TIAL1: variants seen among roughly 807,000 people sequenced by gnomAD.
TIAL1 encodes nucleolysin TIAR.
Under a neutral mutation model 59.7 loss-of-function variants are expected in TIAL1, and 7 were observed. The ratio of observed to expected loss-of-function variants is 0.12; its 90% CI spans 0.07 to 0.22. The LOEUF is 0.22. Among genes scored for constraint, TIAL1 ranks in the 10% least tolerant of loss-of-function variants. TIAL1 has a pLI of 1.00. For missense variants in TIAL1, 225 were observed against 462.5 expected (o/e 0.49, Z 4.71); for synonymous variants, 149 against 146.3 (o/e 1.02, Z -0.13).
chr10:119,592,968 G>A (rs1845966729), intron 1 of TIAL1, among the ~76,000 whole-genome samples: 1 of 152,162 alleles, frequency 6.6e-6, no homozygotes, highest in African/African-American at 2.4e-5. Context: ...TAAATCATTA[G>A]CTTATTTCCA....
Position 119,582,521 on chromosome 10 carries a change from A to G in TIAL1, c.166T>C (p.Tyr56His). 6.2e-7 allele frequency: 1 copy of G among 1,611,826 alleles called. No homozygotes were observed. Reference sequence around the variant, plus strand: ...GCAGCAGCTGCATCTCTGTGTTCATAAAATTCCACAAAGCAATATGGGTCA... The same window carrying G: ...GCAGCAGCTGCATCTCTGTGTTCATGAAATTCCACAAAGCAATATGGGTCA... ...SNDPYCFVEF[Y>H]EHRDAAAALA... Residue 56 changes from tyrosine (Y) to histidine (H), a missense_variant, in exon 3 of 12, where the codon TAT becomes CAT. Coordinates refer to ENST00000436547, the MANE Select transcript of TIAL1 (RefSeq NM_003252.4). The surrounding 1 kb of genome is among the most constrained non-coding windows in gnomAD (Gnocchi z 5.1).
In TIAL1 at chr10:119,575,679, A is replaced by T; in HGVS notation, c.1114T>A (p.Tyr372Asn). The T allele has an allele frequency of 1.2e-6, 2 of 1,613,508 alleles. No homozygotes were observed. The highest frequency in any genetic ancestry group is 1.7e-6 in the Non-Finnish European group (2 of 1,179,754). The change falls in exon 12 of 12, where the codon TAC becomes AAC. Residue 372 changes from tyrosine to asparagine, a missense_variant. Coordinates refer to ENST00000436547, the MANE Select transcript of TIAL1 (RefSeq NM_003252.4). ...PNQAGYGMAS[Y>N]QTQ ...AGAGTCCCGGCTCACTGTGTTTGGT[A>T]ACTTGCCATACCATATCCGGCTTGG...
chr10:119,580,881 G>A (rs1845268787), intron 5 of TIAL1: 1 of 1,192,012 alleles, frequency 8.4e-7, no homozygotes, highest in Non-Finnish European at 1.1e-6. Context: ...ACTTTTAATT[G>A]TGACTTGGAC....
At position 119,596,657 on chromosome 10, in the gene TIAL1, G is replaced by A. The variant is rs1229890864; in HGVS notation, c.-192C>T. 2 of 597,076 alleles carry A rather than the reference G, an allele frequency of 3.3e-6. No homozygotes were observed. Among genetic ancestry groups the A allele is most frequent in the African/African-American group, 1.9e-5 (1 of 53,332 alleles). The allele number at this position is 597,076 out of a possible 1,614,324, so 37.0% of individuals were successfully genotyped here. ...CTCCAACCAGGAGGAGCAGGAGGAG[G>A]AGGAGGATGAACAAAATGGCCGCCG... is the stretch of plus-strand genomic sequence containing the variant. On this transcript the variant is annotated 5_prime_UTR_variant, in exon 1 of 12. Coordinates refer to ENST00000436547, the MANE Select transcript of TIAL1 (RefSeq NM_003252.4).
rs1438914034 is a variant in TIAL1 at position 119,588,203 on chromosome 10, A to C, written c.78T>G (p.Leu26=). The part of the protein sequence containing the change: ...LSRDVTEVLI[L]QLFSQIGPCK... ...AGGGTCCAATCTGACTGAACAACTG[A>C]AGTATAAGGACTTCTGTCACATCTC... is the stretch of plus-strand genomic sequence containing the variant. The change falls in exon 2 of 12, where the codon CTT becomes CTG. Residue 26 remains leucine (L), a synonymous_variant. Transcript: ENST00000436547. The C allele has an allele frequency of 1.3e-6, 2 of 1,597,676 alleles. No homozygotes were observed. Among genetic ancestry groups the C allele is most frequent in the Admixed American group, 3.4e-5 (2 of 58,920 alleles).
intron 10 of TIAL1, 28 bp from the exon 11 acceptor site, chr10:119,576,778 G>A (rs1025877906): frequency 6.2e-7 from 1 of 1,610,308 alleles, no homozygotes; most frequent in Non-Finnish European, 8.5e-7. Context: ...ATTGTTTTAG[G>A]GAACACATAA....
intron 10 of TIAL1, 146 bp from the exon 11 acceptor site, chr10:119,576,896 G>T: frequency 1.5e-6 from 2 of 1,346,952 alleles, no homozygotes; most frequent in Non-Finnish European, 2.0e-6. Flanking sequence ...GTTTATTGGG[G>T]TGGTGACACC....
chr10:119,587,762 G>A (rs1052487578), intron 2 of TIAL1, among the ~76,000 whole-genome samples: 2 of 152,146 alleles, frequency 1.3e-5, no homozygotes, highest in African/African-American at 2.4e-5. Flanking sequence ...CACACGAGAC[G>A]AACGGTGCTG....
At chr10:119,577,050 C>A (rs1248835123) in intron 10 of TIAL1, 30 bp downstream of exon 10, 2 of 1,610,128 alleles carry the variant, frequency 1.2e-6, no homozygotes, top group Non-Finnish European at 1.7e-6. Flanking sequence ...AGATGGAAAC[C>A]TTAAAGAATG....
At chr10:119,590,746 GAGACAGAGAGAAAGAGAGAAAGAA>G (rs1448453789) in intron 1 of TIAL1, among the ~76,000 whole-genome samples, 1 of 92,610 alleles carries the variant, frequency 1.1e-5, no homozygotes, top group Non-Finnish European at 2.2e-5. Context: ...GAAAGAGAGA[GAGACAGAGAGAAAGAGAGAAAGAA>G]AGAAAGAAAG....
At chr10:119,593,390 C>T (rs183782732) in intron 1 of TIAL1, 69 of 825,560 alleles carry the variant, frequency 8.4e-5, no homozygotes, top group Admixed American at 5.0e-4. Flanking sequence ...GCAATTCTTG[C>T]CACTTTAAAT....
At chr10:119,587,851 G>C (rs1489711406) in intron 2 of TIAL1, among the ~76,000 whole-genome samples, 2 of 152,184 alleles carry the variant, frequency 1.3e-5, no homozygotes, top group African/African-American at 4.8e-5. Context: ...TATTGGAATT[G>C]TATGAAATAC....
intron 11 of TIAL1, among the ~76,000 whole-genome samples, 198 bp downstream of exon 11, chr10:119,576,413 T>TC (rs1265800079): frequency 6.6e-6 from 1 of 152,066 alleles, no homozygotes; most frequent in Non-Finnish European, 1.5e-5. Context: ...GTTACCCCAA[T>TC]CCCCCCTTTC....
Position 119,577,518 on chromosome 10 carries a change from T to C in TIAL1, c.670A>G (p.Thr224Ala). The C allele has an allele frequency of 6.2e-7, 1 of 1,613,960 alleles. No homozygotes were observed. The highest frequency in any genetic ancestry group is 8.5e-7 in the Non-Finnish European group (1 of 1,179,886). Residue 224 changes from threonine (T) to alanine (A), a missense_variant, in exon 9 of 12, where the codon ACA becomes GCA. This residue lies in a region of TIAL1 where 80 missense variants were observed against 158.8 expected (regional missense o/e 0.50). Transcript: ENST00000436547. ...SGLTDQLMRQTFSPFGQIMEI... is the reference protein window; with the variant it reads ...SGLTDQLMRQAFSPFGQIMEI... ...ATAATTTGTCCAAATGGTGAGAATGTCTGTCTCATAAGCTGATCTATAAAA... is the reference window on the plus strand; with the variant it reads ...ATAATTTGTCCAAATGGTGAGAATGCCTGTCTCATAAGCTGATCTATAAAA...
rs566880181 is a variant in TIAL1, at chr10:119,573,673, C to T, written c.*1992G>A. 9.6e-4 allele frequency: 146 copies of T among 152,526 alleles called. No individual in the cohort carries two copies. The highest frequency in any genetic ancestry group is 3.2e-3 in the African/African-American group (134 of 41,486). The allele number at this position is 152,526 out of a possible 1,614,324, so 9.4% of individuals were successfully genotyped here. ...ACATATACTCATAAAATTTTTAACT[C>T]GGGGGCACAGTTAACATAATTTATT... On this transcript the variant is annotated 3_prime_UTR_variant, in exon 12 of 12. Coordinates refer to ENST00000436547, the MANE Select transcript of TIAL1 (RefSeq NM_003252.4).
intron 2 of TIAL1, among the ~76,000 whole-genome samples, chr10:119,587,471 T>G (rs1405954730): frequency 6.6e-6 from 1 of 152,232 alleles, no homozygotes; most frequent in Non-Finnish European, 1.5e-5. Context: ...CACTTTAAGT[T>G]GTCTGCTTCT....
chr10:119,590,784 G>GAAAGAAAGAA (rs1564744798), intron 1 of TIAL1, among the ~76,000 whole-genome samples: 4 of 134,994 alleles, frequency 3.0e-5, no homozygotes, highest in South Asian at 3.1e-4. Context: ...AAGAAAGAAA[G>GAAAGAAAGAA]AAAGAAAGAA....
In TIAL1 at chr10:119,574,586, C is replaced by CAAAAAAATAAAAAAAA; in HGVS notation, c.*1078_*1079insTTTTTTTTATTTTTTT. ...TATTTACATACCAAGTAATGTAAAG[C>CAAAAAAATAAAAAAAA]AAAAAAAAAAAAAAAAAAAAACAAA... On this transcript the variant is annotated 3_prime_UTR_variant, in exon 12 of 12. Coordinates refer to ENST00000436547, the MANE Select transcript of TIAL1 (RefSeq NM_003252.4). 1 of 86,550 alleles carries CAAAAAAATAAAAAAAA rather than the reference C, an allele frequency of 1.2e-5. No homozygotes were observed. Among genetic ancestry groups the CAAAAAAATAAAAAAAA allele is most frequent in the Non-Finnish European group, 2.1e-5 (1 of 47,626 alleles). The allele number at this position is 86,550 out of a possible 1,614,324, so 5.4% of individuals were successfully genotyped here.
rs1244323582 is a variant in TIAL1, at chr10:119,574,602, AAAAAAC to A, written c.*1057_*1062del. 1.8e-4 allele frequency: 26 copies of A among 148,434 alleles called. No homozygotes were observed. The South Asian group carries it at 2.0e-3, about 11-fold the overall frequency. 9.2% of individuals were successfully genotyped at this position (148,434 alleles called of 1,614,324 possible). A position where few individuals can be genotyped will look rare whatever the true frequency, so the allele number is the denominator to read the frequency against. ...AATGTAAAGCAAAAAAAAAAAAAAA[AAAAAAC>A]AAAAACAAAAAACTAATTCCCAATG... On this transcript the variant is annotated 3_prime_UTR_variant, in exon 12 of 12. Transcript: ENST00000436547.
Sources: gnomAD v4.1 joint callset for allele counts (sites outside exome capture counted in the v4.1 genomes callset) on GRCh38, gnomAD v4.1.1 for gene constraint, gnomAD v4.1.1 regional missense constraint, Gnocchi (gnomAD v3.1) non-coding constraint, MANE v1.5 for transcripts, NCBI Gene and HGNC (gene_info 2026-07-23, HGNC 2026-07-21) for gene names.